The following NEK11 variants were observed in gnomAD, a reference collection of about 807,000 sequenced individuals.
NEK11 encodes NIMA related kinase 11, also known as serine/threonine-protein kinase Nek11.
A neutral mutation model predicts 80.7 loss-of-function variants in NEK11; 72 were observed. The ratio of observed to expected loss-of-function variants is 0.89; its 90% confidence interval spans 0.74 to 1.08. NEK11 has a LOEUF of 1.08. Ranked by LOEUF, NEK11 falls within the 50% of genes least tolerant of loss-of-function variation. The pLI is 0.00. For missense variants in NEK11, 764 were observed against 763.6 expected (o/e 1.00, Z -0.01); for synonymous variants, 251 against 260.7 (o/e 0.96, Z 0.36).
intron 16 of NEK11, among the ~76,000 whole-genome samples, chr3:131,265,198 C>T (rs140865973): frequency 0.12 from 17,958 of 152,044 alleles, 1,302 homozygotes; most frequent in Admixed American, 0.16. Context: ...TATTTGAATA[C>T]CCTGTATTTC....
intron 17 of NEK11, among the ~76,000 whole-genome samples, chr3:131,343,848 C>T (rs779740249): frequency 6.6e-5 from 10 of 152,212 alleles, no homozygotes; most frequent in Non-Finnish European, 1.5e-4. Flanking sequence ...TGAACCCATT[C>T]TTCCCTCCTA....
chr3:131,319,843 T>C (rs2096880100), intron 17 of NEK11, among the ~76,000 whole-genome samples: 1 of 152,074 alleles, frequency 6.6e-6, no homozygotes. Context: ...TTATCTAGCC[T>C]CTGAAAACAT....
chr3:131,317,220 G>T (rs1391628845), intron 17 of NEK11, among the ~76,000 whole-genome samples: 1 of 152,198 alleles, frequency 6.6e-6, no homozygotes, highest in Non-Finnish European at 1.5e-5. Context: ...CAGATATTAT[G>T]TGAATCAAGG....
At chr3:131,165,194 T>G (rs2092086516) in intron 11 of NEK11, 1 of 440,516 alleles carries the variant, frequency 2.3e-6, no homozygotes, top group Non-Finnish European at 4.1e-6. Flanking sequence ...CTCCTGCTGC[T>G]GCATTTTGGG....
chr3:131,279,241 T>C (rs969153637), intron 17 of NEK11, among the ~76,000 whole-genome samples: 1 of 151,778 alleles, frequency 6.6e-6, no homozygotes, highest in African/African-American at 2.4e-5. Context: ...TCCCAGCTAC[T>C]AGGGAAGGTG....
rs1302735302 is a variant in NEK11 at position 131,228,595 on chromosome 3, G to A, written c.1467G>A (p.Glu489=). ...ATGCATTTGATTCCTATTGTGAAGA[G>A]AGTGATGAGGAGGAAGAAGAAATAG... ...YADAFDSYCE[E]SDEEEEEIAL... Residue 489 remains glutamate, a synonymous_variant, in exon 15 of 18, where the codon GAG becomes GAA. Transcript: ENST00000383366. 1.9e-6 allele frequency: 3 copies of A among 1,613,606 alleles called. No homozygotes were observed. Among genetic ancestry groups the A allele is most frequent in the South Asian group, 2.2e-5 (2 of 91,032 alleles).
chr3:131,268,296 C>G (rs1050128542), intron 16 of NEK11, among the ~76,000 whole-genome samples: 5 of 152,176 alleles, frequency 3.3e-5, no homozygotes, highest in Admixed American at 3.3e-4. Flanking sequence ...CATTCTCCCT[C>G]CAATTTTGTT....
At chr3:131,197,174 A>T (rs1214701340) in intron 14 of NEK11, among the ~76,000 whole-genome samples, 1 of 152,130 alleles carries the variant, frequency 6.6e-6, no homozygotes, top group Admixed American at 6.5e-5. Context: ...CAGCCTAGGA[A>T]ATCCAGCTAG....
intron 16 of NEK11, among the ~76,000 whole-genome samples, chr3:131,248,490 A>C (rs961881107): frequency 1.3e-5 from 2 of 152,036 alleles, no homozygotes; most frequent in Admixed American, 1.3e-4. Context: ...TGCTTGGGGC[A>C]CTTCCTGGAG....
intron 7 of NEK11, among the ~76,000 whole-genome samples, chr3:131,137,689 T>C (rs1578913553): frequency 6.6e-6 from 1 of 152,176 alleles, no homozygotes; most frequent in African/African-American, 2.4e-5. Context: ...AAATGGTTGA[T>C]ACAAACTCTG....
intron 17 of NEK11, among the ~76,000 whole-genome samples, chr3:131,321,783 A>T (rs1363432778): frequency 6.6e-6 from 1 of 152,196 alleles, no homozygotes; most frequent in Non-Finnish European, 1.5e-5. Flanking sequence ...TCAAAACCAC[A>T]ATGAGATACC....
At chr3:131,032,339 G>A (rs1024502537) in intron 3 of NEK11, among the ~76,000 whole-genome samples, 1 of 152,180 alleles carries the variant, frequency 6.6e-6, no homozygotes, top group African/African-American at 2.4e-5. Context: ...ATTTGGGAAC[G>A]TTTGCTAACA....
intron 3 of NEK11, among the ~76,000 whole-genome samples, chr3:131,034,790 A>G (rs925844446): frequency 2.0e-5 from 3 of 152,254 alleles, no homozygotes; most frequent in Admixed American, 6.5e-5. Flanking sequence ...CCGGAAGACT[A>G]TATCAACACA....
At chr3:131,183,079 G>A (rs1560840224) in intron 14 of NEK11, among the ~76,000 whole-genome samples, 1 of 152,128 alleles carries the variant, frequency 6.6e-6, no homozygotes, top group African/African-American at 2.4e-5. Context: ...ACCAACCTTT[G>A]TGTGTTTTTG....
chr3:131,326,421 T>C (rs374598510), intron 17 of NEK11: 13 of 152,400 alleles, frequency 8.5e-5, no homozygotes, highest in East Asian at 7.7e-4. Context: ...TCCTCTTAAT[T>C]AGGCTCCACC....
intron 16 of NEK11, among the ~76,000 whole-genome samples, chr3:131,260,176 G>A (rs1561248533): frequency 6.6e-6 from 1 of 152,076 alleles, no homozygotes; most frequent in Non-Finnish European, 1.5e-5. Context: ...TAGAGGGGAA[G>A]TTCTGTCTGA....
At chr3:131,283,651 A>T (rs1194017662) in intron 17 of NEK11, among the ~76,000 whole-genome samples, 1 of 152,206 alleles carries the variant, frequency 6.6e-6, no homozygotes, top group African/African-American at 2.4e-5. Context: ...ATGGAGAAAC[A>T]GATGCAGTGA....
chr3:131,348,019 C>T (rs1159901364), intron 17 of NEK11, among the ~76,000 whole-genome samples: 1 of 151,960 alleles, frequency 6.6e-6, no homozygotes, highest in East Asian at 1.9e-4. Flanking sequence ...AATATTTATA[C>T]ACTTTGACCT....
chr3:131,217,977 A>C (rs1017107705), intron 14 of NEK11, among the ~76,000 whole-genome samples: 2 of 152,164 alleles, frequency 1.3e-5, no homozygotes, highest in Non-Finnish European at 2.9e-5. Context: ...CTGAGATGTA[A>C]TTGATATCTG....
Sources: gnomAD v4.1 joint callset for allele counts (sites outside exome capture counted in the v4.1 genomes callset) on GRCh38, gnomAD v4.1.1 for gene constraint, MANE v1.5 for transcripts, NCBI Gene and HGNC (gene_info 2026-07-23, HGNC 2026-07-21) for gene names.